Variants in SNAP47 observed in about 807,000 individuals in gnomAD.
SNAP47 encodes the protein synaptosome associated protein 47.
SNAP47 carries 20 observed loss-of-function variants against 31.4 expected under a neutral mutation model. The observed-to-expected ratio is 0.64, with a 90% confidence interval of 0.45 to 0.93. The LOEUF (loss-of-function observed/expected upper bound fraction) is 0.93, where lower values mean the gene tolerates loss of function less well. Among genes scored for constraint, SNAP47 ranks in the 40% least tolerant of loss-of-function variants. The probability of loss-of-function intolerance (pLI) is 0.00; values close to 1 mark genes in which losing one functional copy is unlikely to be tolerated. For synonymous variants in SNAP47, 194 were observed against 213.4 expected (o/e 0.91, Z 0.79); for missense variants, 492 against 528.5 (o/e 0.93, Z 0.68).
At position 227,780,971 on chromosome 1, in the gene SNAP47, C is replaced by T. The variant is rs1346015045; in HGVS notation, c.*298C>T. Reference sequence around the variant, plus strand: ...CTTGGCACAGGCCTGGAAGAGGCCGCCCTCGTCTTGTCTCGGCTCCCTTTC... The same window carrying T: ...CTTGGCACAGGCCTGGAAGAGGCCGTCCTCGTCTTGTCTCGGCTCCCTTTC... On this transcript the variant is annotated 3_prime_UTR_variant, in exon 5 of 5. Transcript: ENST00000617596. The T allele has an allele frequency of 5.0e-6, 2 of 398,334 alleles. No individual in the cohort carries two copies. Among genetic ancestry groups the T allele is most frequent in the Non-Finnish European group, 9.2e-6 (2 of 218,446 alleles). The allele number at this position is 398,334 out of a possible 1,614,324, so 24.7% of individuals were successfully genotyped here.
intron 1 of SNAP47, chr1:227,736,630 G>T: frequency 6.9e-6 from 1 of 145,082 alleles, no homozygotes; most frequent in South Asian, 2.2e-4. Flanking sequence ...CTCCCAAGTA[G>T]CTGGGACTAC....
intron 4 of SNAP47, among the ~76,000 whole-genome samples, chr1:227,771,573 C>T (rs532068997): frequency 4.7e-4 from 71 of 152,286 alleles, no homozygotes; most frequent in Non-Finnish European, 9.9e-4. Context: ...GGGAACACCA[C>T]GCCTTCCCTT....
chr1:227,742,727 C>A (rs531435350), intron 1 of SNAP47, among the ~76,000 whole-genome samples: 1 of 152,342 alleles, frequency 6.6e-6, no homozygotes, highest in South Asian at 2.1e-4. Flanking sequence ...CCTCTTCAGC[C>A]AGGAGCATGG....
Position 227,747,914 on chromosome 1 carries a change from G to C in SNAP47, c.178G>C (p.Ala60Pro). 1 of 1,614,198 alleles carries C rather than the reference G, an allele frequency of 6.2e-7. No individual in the cohort carries two copies. Among genetic ancestry groups the C allele is most frequent in the Non-Finnish European group, 8.5e-7 (1 of 1,180,032 alleles). Residue 60 changes from alanine (A) to proline (P), a missense_variant, in exon 2 of 5, where the codon GCT becomes CCT. Physicochemically the swap from Ala to Pro is conservative, Grantham distance 27. Transcript: ENST00000617596. ...LSSIVEIKKE[A>P]SHFIFSSITI... ...CAGCATAGTTGAGATCAAGAAGGAG[G>C]CTTCACATTTTATCTTCAGCTCCAT...
chr1:227,766,313 C>T (rs1266277066), intron 3 of SNAP47, among the ~76,000 whole-genome samples: 1 of 152,208 alleles, frequency 6.6e-6, no homozygotes, highest in East Asian at 1.9e-4. Context: ...ATCTGGGCCC[C>T]GGGGTGTCAA....
upstream of SNAP47, chr1:227,734,522 A>T: frequency 1.3e-6 from 1 of 798,956 alleles, no homozygotes; most frequent in Non-Finnish European, 2.0e-6. Flanking sequence ...TTTCTTTTAA[A>T]CTGATTAAAG....
chr1:227,736,893 G>T (rs2102881988), intron 1 of SNAP47, among the ~76,000 whole-genome samples: 1 of 152,210 alleles, frequency 6.6e-6, no homozygotes, highest in African/African-American at 2.4e-5. Context: ...GGGCAGTAAG[G>T]GAAAAGGGAT....
chr1:227,763,864 C>T lies in SNAP47; in HGVS notation c.989-3095C>T, dbSNP rs1389461790. On this transcript the variant is annotated intron_variant, in intron 3 of 4. Coordinates refer to ENST00000617596, the MANE Select transcript of SNAP47 (RefSeq NM_053052.4). This position sits in a 1 kb window ranked among gnomAD's most constrained non-coding sequence, Gnocchi z 4.2. ...GCTGGAGACAGACAGGCTGGTGGCC[C>T]AGGTCCCCGCTCCCAGGCAGGTGCA... Among the ~76,000 whole-genome samples the T allele has an allele frequency of 6.6e-6, 1 of 152,198 alleles. No homozygotes were observed. Among genetic ancestry groups the T allele is most frequent in the Admixed American group, 6.5e-5 (1 of 15,280 alleles).
chr1:227,742,465 G>C (rs1558191395), intron 1 of SNAP47, among the ~76,000 whole-genome samples: 1 of 152,172 alleles, frequency 6.6e-6, no homozygotes, highest in Admixed American at 6.5e-5. Context: ...TTGACGGTGG[G>C]TAAAAAGGTC....
At chr1:227,754,959 C>T (rs1290399712) in intron 2 of SNAP47, among the ~76,000 whole-genome samples, 1 of 152,160 alleles carries the variant, frequency 6.6e-6, no homozygotes, top group Non-Finnish European at 1.5e-5. Flanking sequence ...GCACCCCAGC[C>T]AACTGAATGG....
At chr1:227,733,012 T>G, upstream of SNAP47, 6 of 1,613,520 alleles carry the variant, frequency 3.7e-6, no homozygotes, top group Non-Finnish European at 5.1e-6. Context: ...TTGTGGTTGA[T>G]GGAGATGGTG....
chr1:227,748,596 G>A (rs183810853), intron 2 of SNAP47, among the ~76,000 whole-genome samples: 2 of 152,358 alleles, frequency 1.3e-5, no homozygotes, highest in East Asian at 3.9e-4. Flanking sequence ...CTCCTATGTG[G>A]TGATGGGGAC....
chr1:227,745,475 TA>T (rs993387130), intron 1 of SNAP47, among the ~76,000 whole-genome samples: 2 of 152,218 alleles, frequency 1.3e-5, no homozygotes, highest in African/African-American at 4.8e-5. Context: ...ATTTGCTGCC[TA>T]AATACTTAGT....
chr1:227,767,134 G>A (rs371860274), intron 4 of SNAP47, 51 bp downstream of exon 4: 23 of 1,604,184 alleles, frequency 1.4e-5, no homozygotes, highest in Middle Eastern at 1.6e-4. Flanking sequence ...CAGTCTTCCC[G>A]CAGGCTGCTC....
chr1:227,751,247 G>T (rs535154575), intron 2 of SNAP47, among the ~76,000 whole-genome samples: 1 of 152,142 alleles, frequency 6.6e-6, no homozygotes, highest in African/African-American at 2.4e-5. Context: ...GCACCGCCAC[G>T]TCTCTCTCCT....
chr1:227,745,227 G>T (rs1053508733), intron 1 of SNAP47, among the ~76,000 whole-genome samples: 1 of 152,098 alleles, frequency 6.6e-6, no homozygotes, highest in Non-Finnish European at 1.5e-5. Flanking sequence ...AAATACCAAC[G>T]AATCAAAACA....
At chr1:227,733,338 G>A (rs954690069), upstream of SNAP47, 9 of 1,460,546 alleles carry the variant, frequency 6.2e-6, no homozygotes, top group South Asian at 3.9e-5. Flanking sequence ...AGCTCTGGCT[G>A]GGAGAGTGGG....
At chr1:227,756,496 T>A (rs1037576221) in intron 2 of SNAP47, among the ~76,000 whole-genome samples, 1 of 152,266 alleles carries the variant, frequency 6.6e-6, no homozygotes, top group Admixed American at 6.5e-5. Flanking sequence ...AGGTGCCACT[T>A]TGATACACAG....
intron 4 of SNAP47, among the ~76,000 whole-genome samples, chr1:227,769,110 G>A (rs1277961826): frequency 6.6e-6 from 1 of 152,194 alleles, no homozygotes; most frequent in African/African-American, 2.4e-5. Flanking sequence ...ACTGCACGGA[G>A]CTGAGGGTGA....
Sources: gnomAD v4.1 joint callset for allele counts (sites outside exome capture counted in the v4.1 genomes callset) on GRCh38, gnomAD v4.1.1 for gene constraint, Gnocchi (gnomAD v3.1) non-coding constraint, MANE v1.5 for transcripts, NCBI Gene and HGNC (gene_info 2026-07-23, HGNC 2026-07-21) for gene names.